The following LCORL variants were observed in gnomAD, a reference collection of about 807,000 sequenced individuals.
LCORL encodes the protein ligand dependent nuclear receptor corepressor like.
A neutral mutation model predicts 141.8 loss-of-function variants in LCORL; 41 were observed. The observed-to-expected ratio is 0.29, with a 90% CI of 0.23 to 0.38. The LOEUF is 0.38. LCORL is among the 10% of genes least tolerant of loss of function. LCORL has a pLI of 1.00. For missense variants in LCORL, 1,759 were observed against 2,035.0 expected, an observed-to-expected ratio of 0.86 and a Z score of 2.61; for synonymous variants, 618 against 694.1, an observed-to-expected ratio of 0.89 and a Z score of 1.72.
At chr4:17,894,439 T>C (rs1337372905) in intron 5 of LCORL, among the ~76,000 whole-genome samples, 4 of 152,200 alleles carry the variant, frequency 2.6e-5, no homozygotes, top group African/African-American at 9.6e-5. Flanking sequence ...TCTACTGATA[T>C]TTACCATAAC....
intron 4 of LCORL, among the ~76,000 whole-genome samples, chr4:17,914,342 C>G (rs924396846): frequency 1.3e-5 from 2 of 152,142 alleles, no homozygotes; most frequent in Non-Finnish European, 2.9e-5. Context: ...TTTATCAATT[C>G]AATATGATTA....
At chr4:17,926,295 G>A (rs969358090) in intron 4 of LCORL, among the ~76,000 whole-genome samples, 1 of 149,916 alleles carries the variant, frequency 6.7e-6, no homozygotes, top group Non-Finnish European at 1.5e-5. Flanking sequence ...AGGAGAGGTA[G>A]ATCCACCCTC....
chr4:17,861,159 T>C (rs911298557), intron 7 of LCORL, among the ~76,000 whole-genome samples: 3 of 152,216 alleles, frequency 2.0e-5, no homozygotes, highest in African/African-American at 7.2e-5. Flanking sequence ...TGACTCCACA[T>C]TTCCCTTCTG....
intron 1 of LCORL, among the ~76,000 whole-genome samples, chr4:18,006,495 C>T (rs1253985544): frequency 5.9e-5 from 9 of 152,068 alleles, no homozygotes; most frequent in Admixed American, 5.2e-4. Flanking sequence ...CTGTATTAGT[C>T]CATTTTCACA....
exon 8 of LCORL, chr4:17,842,160 C>CTGG (rs1200212405): frequency 1.7e-6 from 1 of 591,412 alleles, no homozygotes; most frequent in African/African-American, 1.9e-5. Flanking sequence ...GCAGTGATAA[C>CTGG]TGGTACCAAG....
intron 2 of LCORL, among the ~76,000 whole-genome samples, chr4:17,966,920 A>C (rs1390847697): frequency 6.6e-6 from 1 of 152,158 alleles, no homozygotes; most frequent in Non-Finnish European, 1.5e-5. Flanking sequence ...TGATGCTCCT[A>C]AATATTTACC....
exon 7 of LCORL, chr4:17,876,930 T>A: frequency 2.4e-6 from 3 of 1,230,788 alleles, no homozygotes; most frequent in Non-Finnish European, 3.0e-6. Context: ...TGTTTCAGCA[T>A]GATTTTTACC....
intron 4 of LCORL, among the ~76,000 whole-genome samples, chr4:17,921,572 A>G (rs766287354): frequency 1.1e-4 from 17 of 152,218 alleles, no homozygotes; most frequent in Non-Finnish European, 2.2e-4. Flanking sequence ...CAGAGCTCTT[A>G]GGTAATCAAG....
At chr4:17,908,784 C>A (rs1732057169) in intron 5 of LCORL, among the ~76,000 whole-genome samples, 1 of 152,060 alleles carries the variant, frequency 6.6e-6, no homozygotes, top group South Asian at 2.1e-4. Flanking sequence ...CAGCTTTCCA[C>A]TATAAAAATA....
At chr4:17,929,596 A>C (rs941249165) in intron 4 of LCORL, among the ~76,000 whole-genome samples, 1 of 152,176 alleles carries the variant, frequency 6.6e-6, no homozygotes, top group African/African-American at 2.4e-5. Context: ...TCTACCCCAC[A>C]CTATATACAA....
chr4:17,958,820 G>A (rs778153816), intron 4 of LCORL, among the ~76,000 whole-genome samples: 1 of 151,966 alleles, frequency 6.6e-6, no homozygotes, highest in Non-Finnish European at 1.5e-5. Context: ...TACAGTCCTA[G>A]TTGCCGAGAT....
chr4:17,936,548 T>C (rs1736894377), intron 4 of LCORL, among the ~76,000 whole-genome samples: 1 of 152,158 alleles, frequency 6.6e-6, no homozygotes, highest in Non-Finnish European at 1.5e-5. Context: ...CAAATCTATT[T>C]AGTTCTTGAG....
chr4:17,978,579 CAAAAAAAA>C (rs202146842), intron 1 of LCORL, among the ~76,000 whole-genome samples: 1 of 125,248 alleles, frequency 8.0e-6, no homozygotes, highest in Non-Finnish European at 1.8e-5. Context: ...GACCTTGTCT[CAAAAAAAA>C]AAAAAAAAGT....
intron 4 of LCORL, among the ~76,000 whole-genome samples, chr4:17,913,188 TCAA>T (rs1178774194): frequency 6.6e-6 from 1 of 152,166 alleles, no homozygotes; most frequent in African/African-American, 2.4e-5. Context: ...GGAATGACAG[TCAA>T]CACCACAGAC....
chr4:17,894,642 T>G lies in LCORL; in HGVS notation c.683-8481A>C, dbSNP rs549347463. On this transcript the variant is annotated intron_variant, in intron 5 of 7. Transcript: ENST00000635767. Reference sequence around the variant, plus strand: ...AAACAGCTGAATTCTCACATCTGCTTCTGCATTGATTGTGTTGAGATATCA... The same window carrying G: ...AAACAGCTGAATTCTCACATCTGCTGCTGCATTGATTGTGTTGAGATATCA... 5.3e-5 allele frequency among the ~76,000 whole-genome samples: 8 copies of G among 152,342 alleles called. No individual in the cohort carries two copies. In the South Asian group the frequency reaches 1.7e-3, roughly 32 times the overall value.
chr4:18,008,801 T>C (rs918171304), intron 1 of LCORL, among the ~76,000 whole-genome samples: 4 of 152,130 alleles, frequency 2.6e-5, no homozygotes, highest in Admixed American at 2.6e-4. Flanking sequence ...ACTATGGTAG[T>C]TAGGGCTGAA....
At chr4:17,947,443 C>A (rs1194088610) in intron 4 of LCORL, among the ~76,000 whole-genome samples, 2 of 151,492 alleles carry the variant, frequency 1.3e-5, no homozygotes, top group Non-Finnish European at 3.0e-5. Context: ...GGTACACAAT[C>A]TCAAAAGGAA....
chr4:17,884,650 G>A lies in LCORL; in HGVS notation c.776+1418C>T, dbSNP rs1317177688. On this transcript the variant is annotated intron_variant, in intron 6 of 7. Coordinates refer to ENST00000635767, the Ensembl canonical transcript of LCORL. This position sits in a 1 kb window ranked among gnomAD's most constrained non-coding sequence, Gnocchi z 4.4. ...CATAAAGTATGCCTGCTTTATTTAT[G>A]TCCAGTGCTCCAGACTGAATGTCTT... 6.5e-7 allele frequency: 1 copy of A among 1,546,724 alleles called. No homozygotes were observed. Among genetic ancestry groups the A allele is most frequent in the Admixed American group, 2.0e-5 (1 of 49,702 alleles).
chr4:17,962,420 C>T (rs1284741501), intron 3 of LCORL, among the ~76,000 whole-genome samples: 1 of 151,994 alleles, frequency 6.6e-6, no homozygotes, highest in Non-Finnish European at 1.5e-5. Flanking sequence ...TTCTTCTCAG[C>T]CCTTCTCACA....
Sources: gnomAD v4.1 joint callset for allele counts (sites outside exome capture counted in the v4.1 genomes callset) on GRCh38, gnomAD v4.1.1 for gene constraint, Gnocchi (gnomAD v3.1) non-coding constraint, MANE v1.5 for transcripts, NCBI Gene and HGNC (gene_info 2026-07-23, HGNC 2026-07-21) for gene names.